The following SNX5 variants were observed in gnomAD, a reference collection of about 807,000 sequenced individuals.
SNX5 encodes the protein sorting nexin 5.
Under a neutral mutation model 53.9 loss-of-function variants are expected in SNX5, and 31 were observed. The observed-to-expected ratio is 0.58, with a 90% CI of 0.43 to 0.78. The LOEUF (loss-of-function observed/expected upper bound fraction) is 0.78, where lower values mean the gene tolerates loss of function less well. Ranked by LOEUF, SNX5 falls within the 30% of genes least tolerant of loss-of-function variation. The probability of loss-of-function intolerance (pLI) is 0.00; values close to 1 mark genes in which losing one functional copy is unlikely to be tolerated. For missense variants in SNX5, 471 were observed against 478.8 expected (o/e 0.98, Z 0.15); for synonymous variants, 168 against 171.1 (o/e 0.98, Z 0.14).
chr20:17,949,170 T>C (rs2039529426), intron 8 of SNX5, 67 bp from the exon 9 acceptor site: 3 of 1,370,248 alleles, frequency 2.2e-6, no homozygotes, highest in Middle Eastern at 2.4e-4. Context: ...CTTACCAGTG[T>C]GCAAGACAGG....
At chr20:17,950,023 T>C (rs1390321979) in intron 8 of SNX5, 109 bp downstream of exon 8, 1 of 873,940 alleles carries the variant, frequency 1.1e-6, no homozygotes, top group Non-Finnish European at 1.8e-6. Context: ...CTTACTGAGC[T>C]TGTAACTCCA....
chr20:17,956,698 AAAAAAAC>A (rs1568594157), intron 2 of SNX5, among the ~76,000 whole-genome samples: 7 of 125,084 alleles, frequency 5.6e-5, no homozygotes, highest in Non-Finnish European at 9.2e-5. Flanking sequence ...AAAAAAAAAA[AAAAAAAC>A]AAAAAAACAA....
intron 1 of SNX5, among the ~76,000 whole-genome samples, chr20:17,963,260 G>A (rs1884710): frequency 0.017 from 2,642 of 152,110 alleles, 89 homozygotes; most frequent in African/African-American, 0.06. Flanking sequence ...CAGGAGGATC[G>A]CCCGCGGCCA....
At chr20:17,947,419 G>T in intron 11 of SNX5, 67 bp downstream of exon 11, 9 of 1,549,928 alleles carry the variant, frequency 5.8e-6, no homozygotes, top group Middle Eastern at 1.7e-4. Flanking sequence ...TGCACTATTT[G>T]TAGAACTTTT....
In SNX5 at chr20:17,968,396, C is replaced by T. The variant is rs568802177; in HGVS notation, c.30G>A (p.Gln10=). Residue 10 remains glutamine, a synonymous_variant, in exon 1 of 13, where the codon CAG becomes CAA. Transcript: ENST00000377759. MAAVPELLQ[Q]QEEDRSKLRS... ...TCACCTTGCTGCGGTCCTCCTCCTG[C>T]TGCTGCAGCAACTCGGGAACCGCGG... 10 of 1,287,632 alleles carry T rather than the reference C, an allele frequency of 7.8e-6. No homozygotes were observed. The South Asian group carries it at 2.9e-4, about 38-fold the overall frequency. The allele number at this position is 1,287,632 out of a possible 1,614,324, so 79.8% of individuals were successfully genotyped here.
intron 4 of SNX5, among the ~76,000 whole-genome samples, chr20:17,953,601 C>A (rs903601296): frequency 6.6e-6 from 1 of 152,174 alleles, no homozygotes; most frequent in East Asian, 1.9e-4. Context: ...CAACACATGA[C>A]GAAACCCCCA....
chr20:17,968,440 C>G lies in SNX5; in HGVS notation c.-15G>C. On this transcript the variant is annotated 5_prime_UTR_variant, in exon 1 of 13. Transcript: ENST00000377759. ...ACCGCGGCCATGGCGACGCGGGACT[C>G]GAGCAGGGGCCGCCTGGCTGTGCGA... The G allele has an allele frequency of 7.8e-7, 1 of 1,287,194 alleles. No homozygotes were observed. The highest frequency in any genetic ancestry group is 9.9e-7 in the Non-Finnish European group (1 of 1,014,522). The allele number at this position is 1,287,194 out of a possible 1,614,324, so 79.7% of individuals were successfully genotyped here.
intron 2 of SNX5, 60 bp downstream of exon 2, chr20:17,956,873 C>G: frequency 1.2e-6 from 1 of 863,518 alleles, no homozygotes; most frequent in South Asian, 1.3e-5. Flanking sequence ...TTCTCACATC[C>G]ACTGTGAATA....
intron 12 of SNX5, chr20:17,942,845 G>A (rs1363736418): frequency 4.9e-6 from 2 of 404,942 alleles, no homozygotes; most frequent in African/African-American, 4.2e-5. Flanking sequence ...ATCACCTGAG[G>A]TCAGGGGTTC....
At position 17,968,369 on chromosome 20, in the gene SNX5, C is replaced by T; in HGVS notation, c.51+6G>A. On this transcript the variant is annotated splice_donor_region_variant and intron_variant, in intron 1 of 12. Coordinates refer to ENST00000377759, the MANE Select transcript of SNX5 (RefSeq NM_014426.4). ...GCCCAGGAGTCTGAGGCTGGGAGGACCTCACCTTGCTGCGGTCCTCCTCCT... is the reference window on the plus strand; with the variant it reads ...GCCCAGGAGTCTGAGGCTGGGAGGATCTCACCTTGCTGCGGTCCTCCTCCT... The T allele has an allele frequency of 2.4e-6, 3 of 1,273,054 alleles. No individual in the cohort carries two copies. Among genetic ancestry groups the T allele is most frequent in the Non-Finnish European group, 3.0e-6 (3 of 1,005,804 alleles). The allele number at this position is 1,273,054 out of a possible 1,614,324, so 78.9% of individuals were successfully genotyped here.
Position 17,954,021 on chromosome 20 carries a change from C to T in SNX5, c.364G>A (p.Ala122Thr). The change falls in exon 4 of 13, where the codon GCC (alanine) becomes ACC (threonine). Residue 122 changes from alanine to threonine, a missense_variant. Ala to Thr is a moderately conservative substitution (Grantham distance 58, BLOSUM62 0). Coordinates refer to ENST00000377759, the MANE Select transcript of SNX5 (RefSeq NM_014426.4). ...GEGSMTKEEF[A>T]KMKQELEAEY... ...GCTTCCAGTTCTTGTTTCATCTTGG[C>T]AAATTCTTCTTTGGTCATAGACCCT... is the stretch of plus-strand genomic sequence containing the variant. 6.2e-7 allele frequency: 1 copy of T among 1,613,948 alleles called. No individual in the cohort carries two copies. The highest frequency in any genetic ancestry group is 8.5e-7 in the Non-Finnish European group (1 of 1,179,882).
intron 5 of SNX5, 32 bp from the exon 6 acceptor site, chr20:17,951,627 G>C: frequency 7.0e-7 from 1 of 1,426,808 alleles, no homozygotes; most frequent in Admixed American, 1.7e-5. Flanking sequence ...GAGTTTATAT[G>C]GTATGGATTT....
At chr20:17,943,013 G>T in intron 12 of SNX5, 97 bp downstream of exon 12, 1 of 801,268 alleles carries the variant, frequency 1.2e-6, no homozygotes, top group Admixed American at 2.0e-5. Flanking sequence ...ATACCACAAG[G>T]CCACCCCAAC....
chr20:17,953,917 G>C (rs6045114), intron 4 of SNX5, 79 bp downstream of exon 4: 4 of 1,264,502 alleles, frequency 3.2e-6, no homozygotes, highest in Non-Finnish European at 3.4e-6. Context: ...AATTAAGTCA[G>C]GTTCTTCTAC....
intron 1 of SNX5, among the ~76,000 whole-genome samples, chr20:17,959,310 C>T (rs1050007920): frequency 6.6e-6 from 1 of 152,216 alleles, no homozygotes; most frequent in Non-Finnish European, 1.5e-5. Flanking sequence ...CTTTTCGTCC[C>T]TTTCCCCATG....
rs540589240 is a variant in SNX5 at position 17,966,958 on chromosome 20, A to T, written c.51+1417T>A. On this transcript the variant is annotated intron_variant, in intron 1 of 12. Transcript: ENST00000377759. ...AATTATTTATTTTTATTGTCTCTTT[A>T]TTCCTGTAATGTAAAAAGGAAAACA... Among the ~76,000 whole-genome samples the T allele has an allele frequency of 7.9e-5, 12 of 152,300 alleles. No homozygotes were observed. The East Asian group carries it at 2.3e-3, about 29-fold the overall frequency.
At chr20:17,951,393 T>C in intron 6 of SNX5, 107 bp downstream of exon 6, 1 of 706,952 alleles carries the variant, frequency 1.4e-6, no homozygotes, top group Non-Finnish European at 2.5e-6. Flanking sequence ...CACTTACATG[T>C]CTTAAAAGTT....
intron 12 of SNX5, chr20:17,942,895 TAAAAAA>T (rs11334169): frequency 5.9e-6 from 2 of 340,770 alleles, no homozygotes; most frequent in Admixed American, 5.0e-5. Context: ...CCATCTCTAT[TAAAAAA>T]AAAAAAAAAA....
At chr20:17,956,441 G>C (rs951622061) in intron 2 of SNX5, among the ~76,000 whole-genome samples, 2 of 152,090 alleles carry the variant, frequency 1.3e-5, no homozygotes, top group African/African-American at 4.8e-5. Flanking sequence ...ACAAAGCTGG[G>C]GCCCGGTGTG....
Sources: gnomAD v4.1 joint callset for allele counts (sites outside exome capture counted in the v4.1 genomes callset) on GRCh38, gnomAD v4.1.1 for gene constraint, MANE v1.5 for transcripts, NCBI Gene and HGNC (gene_info 2026-07-23, HGNC 2026-07-21) for gene names.